The following DPY30 variants were observed in gnomAD, a reference collection of about 807,000 sequenced individuals.
The protein encoded by DPY30 is dpy-30 histone methyltransferase complex regulatory subunit.
DPY30 carries 6 observed loss-of-function variants against 16.2 expected under a neutral mutation model. The ratio of observed to expected loss-of-function variants is 0.37; its 90% CI spans 0.20 to 0.73. The LOEUF is 0.73. DPY30 is among the 30% of genes least tolerant of loss of function. The pLI is 0.51. For missense variants in DPY30, 73 were observed against 113.1 expected, an observed-to-expected ratio of 0.65 and a Z score of 1.61; for synonymous variants, 39 against 38.8, an observed-to-expected ratio of 1.00 and a Z score of -0.02.
chr2:32,022,156 G>A (rs944208992), downstream of DPY30, among the ~76,000 whole-genome samples: 4 of 150,604 alleles, frequency 2.7e-5, no homozygotes, highest in Non-Finnish European at 4.4e-5. Flanking sequence ...GTTGCAGTGA[G>A]CCAAGATCAC....
chr2:32,015,613 C>T (rs186001140), intron 5 of DPY30, among the ~76,000 whole-genome samples: 1 of 152,014 alleles, frequency 6.6e-6, no homozygotes, highest in Non-Finnish European at 1.5e-5. Flanking sequence ...TTGGGGAGGC[C>T]AAGGCAGGAG....
chr2:32,035,948 A>AAAAAAG (rs1553390148), intron 3 of DPY30, among the ~76,000 whole-genome samples: 2 of 151,640 alleles, frequency 1.3e-5, no homozygotes, highest in African/African-American at 2.4e-5. Flanking sequence ...AAAAAAAAAA[A>AAAAAAG]AAAAAGAAAA....
intron 3 of DPY30, among the ~76,000 whole-genome samples, chr2:32,037,341 C>G (rs1315635085): frequency 1.3e-5 from 2 of 152,078 alleles, no homozygotes; most frequent in Non-Finnish European, 2.9e-5. Flanking sequence ...GTCTCCCTGT[C>G]TCACTCAGGA....
chr2:32,023,700 A>G, downstream of DPY30: 7 of 1,300,850 alleles, frequency 5.4e-6, no homozygotes, highest in Non-Finnish European at 7.1e-6. Flanking sequence ...TAAGCCATTG[A>G]AGATGCCCAG....
downstream of DPY30, among the ~76,000 whole-genome samples, chr2:32,019,399 G>C (rs1245090986): frequency 1.3e-5 from 2 of 152,110 alleles, no homozygotes; most frequent in African/African-American, 2.4e-5. Context: ...TGTAGTCCTA[G>C]CTACTTAGGA....
chr2:32,033,471 A>C (rs1461319435), intron 3 of DPY30, among the ~76,000 whole-genome samples: 1 of 152,148 alleles, frequency 6.6e-6, no homozygotes, highest in Admixed American at 6.5e-5. Context: ...TTAGGAGTTC[A>C]AGAACAGCCT....
intron 3 of DPY30, among the ~76,000 whole-genome samples, chr2:32,033,877 G>A (rs1420438542): frequency 1.3e-5 from 2 of 152,124 alleles, no homozygotes; most frequent in Admixed American, 1.3e-4. Flanking sequence ...ACAATGAGCT[G>A]ATAAGACAGT....
At chr2:32,037,526 G>A (rs1022011348) in intron 3 of DPY30, among the ~76,000 whole-genome samples, 2 of 151,682 alleles carry the variant, frequency 1.3e-5, no homozygotes, top group African/African-American at 4.8e-5. Flanking sequence ...AAACTCCTGA[G>A]CTCAAGCGAT....
In DPY30 at chr2:32,038,239, G is replaced by A. The variant is rs1264851356; in HGVS notation, c.84+1040C>T. 2.0e-5 allele frequency among the ~76,000 whole-genome samples: 3 copies of A among 146,430 alleles called. No individual in the cohort carries two copies. In the East Asian group the frequency reaches 6.3e-4, roughly 31 times the overall value. ...CAACCTCCACCTCTCGGGTTCAAGC[G>A]ATTCGCGATTCTCCTGCCTCAGCCT... is the stretch of plus-strand genomic sequence containing the variant. On this transcript the variant is annotated intron_variant, in intron 3 of 4. Transcript: ENST00000342166.
In DPY30 at chr2:32,024,092, C is replaced by G. The variant is rs183796038; in HGVS notation, c.*92G>C. On this transcript the variant is annotated 3_prime_UTR_variant, in exon 5 of 5. Coordinates refer to ENST00000342166, the MANE Select transcript of DPY30 (RefSeq NM_001321209.2). ...TGTTGTCCGGAAGGTTCTTATACAT[C>G]CAAAAAGAGGGAATGATCATGGCAA... is the stretch of plus-strand genomic sequence containing the variant. The G allele has an allele frequency of 2.6e-5, 40 of 1,539,014 alleles. No homozygotes were observed. The East Asian group carries it at 4.6e-4, about 18-fold the overall frequency.
At chr2:32,016,776 G>T (rs988766226) in intron 5 of DPY30, among the ~76,000 whole-genome samples, 1 of 151,810 alleles carries the variant, frequency 6.6e-6, no homozygotes, top group Non-Finnish European at 1.5e-5. Context: ...CTCAATCTTT[G>T]TATTTATTTA....
intron 1 of DPY30, 50 bp from the exon 2 acceptor site, chr2:32,039,542 G>A: frequency 2.5e-6 from 4 of 1,589,698 alleles, no homozygotes; most frequent in Non-Finnish European, 3.4e-6. Context: ...TCAACACGAA[G>A]ACTCCAGGAT....
downstream of DPY30, chr2:32,023,658 T>C (rs1403612181): frequency 1.7e-6 from 2 of 1,151,978 alleles, no homozygotes; most frequent in Non-Finnish European, 2.4e-6. Flanking sequence ...ACTCCAACTT[T>C]AATGTACATT....
rs752913150 is a variant in DPY30 at position 32,039,344 on chromosome 2, G to C, written c.37-18C>G. On this transcript the variant is annotated intron_variant, in intron 2 of 4. Coordinates refer to ENST00000342166, the MANE Select transcript of DPY30 (RefSeq NM_001321209.2). ...TCTGCAACCTAGAAAACAAAACACC[G>C]GTCACAGAGATATAAGTCCCCCCTT... 2 of 1,613,928 alleles carry C rather than the reference G, an allele frequency of 1.2e-6. No homozygotes were observed. Among genetic ancestry groups the C allele is most frequent in the Non-Finnish European group, 1.7e-6 (2 of 1,180,020 alleles).
At chr2:32,023,658 T>A, downstream of DPY30, 1 of 1,152,096 alleles carries the variant, frequency 8.7e-7, no homozygotes, top group Non-Finnish European at 1.2e-6. Context: ...ACTCCAACTT[T>A]AATGTACATT....
chr2:32,027,860 C>T (rs1190747193), intron 4 of DPY30, among the ~76,000 whole-genome samples: 1 of 151,940 alleles, frequency 6.6e-6, no homozygotes, highest in Non-Finnish European at 1.5e-5. Context: ...GAACTCCTGA[C>T]CTCATGATCT....
chr2:32,030,636 A>C (rs935706244), intron 3 of DPY30, among the ~76,000 whole-genome samples: 2 of 151,726 alleles, frequency 1.3e-5, no homozygotes, highest in Admixed American at 1.3e-4. Flanking sequence ...TCTCAAAAAA[A>C]AAAAAAAAAA....
downstream of DPY30, among the ~76,000 whole-genome samples, chr2:32,021,405 C>T (rs1318557947): frequency 3.9e-5 from 6 of 152,110 alleles, no homozygotes; most frequent in Non-Finnish European, 5.9e-5. Context: ...AGGCCGGACA[C>T]GGTGGCTAAC....
In DPY30 at chr2:32,024,185, C is replaced by A; in HGVS notation, c.299G>T (p.Ter100LeuextTer9). Residue 100 changes from the stop codon to leucine, a stop_lost, in exon 5 of 5, where the codon TGA becomes TTA. Transcript: ENST00000342166. ...AATTTTTCTGTTCTTCCCATTAAGT[C>A]AGTTTCGATCTTCAAACTGTGCCTT... is the stretch of plus-strand genomic sequence containing the variant. ...KNKAQFEDRN[*>L] 1 of 1,611,368 alleles carries A rather than the reference C, an allele frequency of 6.2e-7. No individual in the cohort carries two copies. The highest frequency in any genetic ancestry group is 1.1e-5 in the South Asian group (1 of 90,646).
Sources: gnomAD v4.1 joint callset for allele counts (sites outside exome capture counted in the v4.1 genomes callset) on GRCh38, gnomAD v4.1.1 for gene constraint, MANE v1.5 for transcripts, NCBI Gene and HGNC (gene_info 2026-07-23, HGNC 2026-07-21) for gene names.